Variants in TBC1D16 observed in about 807,000 individuals in gnomAD.
The protein encoded by TBC1D16 is CTD-2529O21.1.
TBC1D16 carries 58 observed loss-of-function variants against 74.7 expected under a neutral mutation model. The observed-to-expected ratio is 0.78, with a 90% CI of 0.63 to 0.97. The LOEUF (loss-of-function observed/expected upper bound fraction) is 0.97. TBC1D16 is among the 50% of genes least tolerant of loss of function. TBC1D16 has a pLI of 0.00. For missense variants in TBC1D16, 1,014 were observed against 1,079.5 expected, an observed-to-expected ratio of 0.94 and a Z score of 0.85; for synonymous variants, 493 against 474.7, an observed-to-expected ratio of 1.04 and a Z score of -0.50.
rs1326328880 is a variant in TBC1D16 at position 79,994,234 on chromosome 17, C to T, written c.779+15926G>A. Among the ~76,000 whole-genome samples the T allele has an allele frequency of 1.3e-5, 2 of 151,668 alleles. No individual in the cohort carries two copies. The highest frequency in any genetic ancestry group is 2.4e-5 in the African/African-American group (1 of 41,202). ...GCCCCCATCTCTTTAGAATCCAGCT[C>T]CCTTGGGGGACATACCTGGCTGGTG... On this transcript the variant is annotated intron_variant, in intron 3 of 11. Coordinates refer to ENST00000310924, the MANE Select transcript of TBC1D16 (RefSeq NM_019020.4). This position sits in a 1 kb window ranked among gnomAD's most constrained non-coding sequence, Gnocchi z 4.6.
intron 3 of TBC1D16, among the ~76,000 whole-genome samples, chr17:79,960,802 A>AAAAAAAAAAAAAAAAAAAAAAAAAC (rs1568590810): frequency 6.7e-6 from 1 of 148,636 alleles, no homozygotes; most frequent in Non-Finnish European, 1.5e-5. Flanking sequence ...AAAAAAAAAA[A>AAAAAAAAAAAAAAAAAAAAAAAAAC]AAAAAAACGA....
At chr17:79,962,364 G>A (rs1004167322) in intron 3 of TBC1D16, among the ~76,000 whole-genome samples, 10 of 151,414 alleles carry the variant, frequency 6.6e-5, no homozygotes, top group East Asian at 3.9e-4. Flanking sequence ...ACAGGTACCC[G>A]CCACCACGCC....
chr17:79,937,942 A>G lies in TBC1D16; in HGVS notation c.*2917T>C, dbSNP rs1190431120. The G allele has an allele frequency of 6.6e-6, 1 of 152,178 alleles. No individual in the cohort carries two copies. Among genetic ancestry groups the G allele is most frequent in the Non-Finnish European group, 1.5e-5 (1 of 68,028 alleles). The allele number at this position is 152,178 out of a possible 1,614,324, so 9.4% of individuals were successfully genotyped here. ...CATCAACTTTTAAGTATGCGCACAC[A>G]CGTACGCCAGCCAATAACATTAAGT... On this transcript the variant is annotated 3_prime_UTR_variant, in exon 12 of 12. Transcript: ENST00000310924.
intron 3 of TBC1D16, among the ~76,000 whole-genome samples, chr17:79,953,771 C>CA (rs2033196561): frequency 6.7e-6 from 1 of 149,450 alleles, no homozygotes; most frequent in African/African-American, 2.5e-5. Context: ...TTTCTTTTTT[C>CA]TTTTTTTTTT....
intron 3 of TBC1D16, among the ~76,000 whole-genome samples, chr17:79,977,013 G>A (rs2034358354): frequency 6.6e-6 from 1 of 152,198 alleles, no homozygotes; most frequent in African/African-American, 2.4e-5. Context: ...AAACAAAAGT[G>A]TCAGGAGCCT....
chr17:79,997,871 T>C (rs747016320), intron 3 of TBC1D16, among the ~76,000 whole-genome samples: 4 of 152,118 alleles, frequency 2.6e-5, no homozygotes, highest in Non-Finnish European at 4.4e-5. Context: ...ACGCCTGTAA[T>C]CCCAGCACTG....
chr17:79,999,496 A>T (rs1241912418), intron 3 of TBC1D16, among the ~76,000 whole-genome samples: 1 of 148,722 alleles, frequency 6.7e-6, no homozygotes, highest in East Asian at 2.0e-4. Flanking sequence ...GGGATCAAAG[A>T]TCACAAATAT....
At position 79,944,867 on chromosome 17, in the gene TBC1D16, A is replaced by G. The variant is rs569108805; in HGVS notation, c.1908+41T>C. On this transcript the variant is annotated intron_variant, in intron 10 of 11. Coordinates refer to ENST00000310924, the MANE Select transcript of TBC1D16 (RefSeq NM_019020.4). This position sits in a 1 kb window ranked among gnomAD's most constrained non-coding sequence, Gnocchi z 7.7. ...GGGTGGCCACGGTGGTTCAGGGGCC[A>G]TGGTCCCAACCTCCCCAGCCCTGGC... 197 of 1,512,460 alleles carry G rather than the reference A, an allele frequency of 1.3e-4. 1 individual carries two copies. The South Asian group carries it at 2.2e-3, about 17-fold the overall frequency. The allele number at this position is 1,512,460 out of a possible 1,614,324, so 93.7% of individuals were successfully genotyped here.
rs1598304920 is a variant in TBC1D16 at position 79,940,474 on chromosome 17, T to C, written c.*385A>G. On this transcript the variant is annotated 3_prime_UTR_variant, in exon 12 of 12. Transcript: ENST00000310924. This position sits in a 1 kb window ranked among gnomAD's most constrained non-coding sequence, Gnocchi z 5.4. Reference sequence around the variant, plus strand: ...CTCGACGCAGTGGGTGAGTGAGGCCTTCCTCTCCTGTCTCTGCTTTCCTCA... The same window carrying C: ...CTCGACGCAGTGGGTGAGTGAGGCCCTCCTCTCCTGTCTCTGCTTTCCTCA... The C allele has an allele frequency of 1.2e-5, 2 of 171,800 alleles. No homozygotes were observed. The highest frequency in any genetic ancestry group is 3.2e-4 in the East Asian group (2 of 6,190). 10.6% of individuals were successfully genotyped at this position (171,800 alleles called of 1,614,324 possible).
intron 3 of TBC1D16, among the ~76,000 whole-genome samples, chr17:79,953,265 A>G (rs538545955): frequency 1.3e-5 from 2 of 152,318 alleles, no homozygotes; most frequent in Middle Eastern, 6.8e-3. Context: ...TTTAGATAGC[A>G]TGGGGCTTCC....
At position 79,988,892 on chromosome 17, in the gene TBC1D16, C is replaced by T. The variant is rs918893340; in HGVS notation, c.779+21268G>A. ...GCTCTGCTGGGCTGGACGGTGCCAC[C>T]CTCCCCAACCCGCACCTGCCCGCCG... On this transcript the variant is annotated intron_variant, in intron 3 of 11. Transcript: ENST00000310924. The surrounding 1 kb of genome is among the most constrained non-coding windows in gnomAD (Gnocchi z 5.7). 4.6e-5 allele frequency among the ~76,000 whole-genome samples: 7 copies of T among 152,322 alleles called. No individual in the cohort carries two copies. The highest frequency in any genetic ancestry group is 3.4e-3 in the Middle Eastern group (1 of 294).
In TBC1D16 at chr17:79,941,063, G is replaced by A; in HGVS notation, c.2100C>T (p.Pro700=). ...LYQFRLLPRI[P]CSLHDLCKLC... Reference sequence around the variant, plus strand: ...GCTTACACAGATCGTGCAGGCTGCAGGGGATCCGGGGCAGGAGGCGGAACT... The same window carrying A: ...GCTTACACAGATCGTGCAGGCTGCAAGGGATCCGGGGCAGGAGGCGGAACT... The change falls in exon 12 of 12, where the codon CCC becomes CCT. Residue 700 remains proline (P), a synonymous_variant. Coordinates refer to ENST00000310924, the MANE Select transcript of TBC1D16 (RefSeq NM_019020.4). This position sits in a 1 kb window ranked among gnomAD's most constrained non-coding sequence, Gnocchi z 4.3. 2.5e-6 allele frequency: 4 copies of A among 1,595,714 alleles called. No homozygotes were observed. The highest frequency in any genetic ancestry group is 3.4e-6 in the Non-Finnish European group (4 of 1,171,108).
Position 79,957,960 on chromosome 17 carries a change from A to AC in TBC1D16, c.780-5143_780-5142insG, listed in dbSNP as rs765892909. Among the ~76,000 whole-genome samples the AC allele has an allele frequency of 3.9e-3, 587 of 152,276 alleles. 3 individuals are homozygous for AC. Among genetic ancestry groups the AC allele is most frequent in the Non-Finnish European group, 6.9e-3 (466 of 68,020 alleles). On this transcript the variant is annotated intron_variant, in intron 3 of 11. Coordinates refer to ENST00000310924, the MANE Select transcript of TBC1D16 (RefSeq NM_019020.4). ...ATGTAAAAAAGTATGTAAATTAAAA[A>AC]GAAAAATATAAATGCCCAACAGAAA...
intron 3 of TBC1D16, among the ~76,000 whole-genome samples, chr17:80,002,844 C>T (rs1048673376): frequency 1.3e-5 from 2 of 152,268 alleles, no homozygotes; most frequent in Non-Finnish European, 2.9e-5. Flanking sequence ...GCAGGACGCT[C>T]TGCTGACGGC....
At position 80,016,804 on chromosome 17, in the gene TBC1D16, A is replaced by C. The variant is rs901682346; in HGVS notation, c.-62-3195T>G. ...CCCCAGCCCTGTTTGTGTATTTCCA[A>C]TTGTCTCCATGGCTGCTGACTTCCC... is the stretch of plus-strand genomic sequence containing the variant. On this transcript the variant is annotated intron_variant, in intron 1 of 11. Transcript: ENST00000310924. 2.6e-5 allele frequency among the ~76,000 whole-genome samples: 4 copies of C among 151,978 alleles called. No individual in the cohort carries two copies. In the East Asian group the frequency reaches 7.7e-4, roughly 29 times the overall value.
In TBC1D16 at chr17:80,000,723, G is replaced by A. The variant is rs542711935; in HGVS notation, c.779+9437C>T. Among the ~76,000 whole-genome samples, 25 of 152,240 alleles carry A rather than the reference G, an allele frequency of 1.6e-4. No homozygotes were observed. Among genetic ancestry groups the A allele is most frequent in the Non-Finnish European group, 2.8e-4 (19 of 68,028 alleles). ...GAGCCCTCTGTGCAGAGCTTTACAC[G>A]CACGGCCTTCCTGAACCCCCACAAT... On this transcript the variant is annotated intron_variant, in intron 3 of 11. Coordinates refer to ENST00000310924, the MANE Select transcript of TBC1D16 (RefSeq NM_019020.4). This position sits in a 1 kb window ranked among gnomAD's most constrained non-coding sequence, Gnocchi z 4.1.
At chr17:79,978,485 A>T (rs2034437350) in intron 3 of TBC1D16, among the ~76,000 whole-genome samples, 1 of 152,186 alleles carries the variant, frequency 6.6e-6, no homozygotes, top group Non-Finnish European at 1.5e-5. Flanking sequence ...GGCGGGCAAC[A>T]ATCCGCGGCA....
chr17:79,950,843 A>AAAAACGGAATGGGACCGCG lies in TBC1D16; in HGVS notation c.1090-266_1090-265insCGCGGTCCCATTCCGTTTT. ...CCCCACTCTCTCCAACCCCAGCCGC[A>AAAAACGGAATGGGACCGCG]AAAACGGAATGAATGCCTCGTTCGG... On this transcript the variant is annotated intron_variant, in intron 5 of 11. Coordinates refer to ENST00000310924, the MANE Select transcript of TBC1D16 (RefSeq NM_019020.4). This position sits in a 1 kb window ranked among gnomAD's most constrained non-coding sequence, Gnocchi z 4.6. 1 of 1,526,498 alleles carries AAAAACGGAATGGGACCGCG rather than the reference A, an allele frequency of 6.6e-7. No homozygotes were observed. Among genetic ancestry groups the AAAAACGGAATGGGACCGCG allele is most frequent in the Non-Finnish European group, 8.8e-7 (1 of 1,140,950 alleles). The allele number at this position is 1,526,498 out of a possible 1,614,324, so 94.6% of individuals were successfully genotyped here.
intron 1 of TBC1D16, among the ~76,000 whole-genome samples, chr17:80,015,164 T>G (rs1350316377): frequency 6.6e-6 from 1 of 152,062 alleles, no homozygotes; most frequent in Non-Finnish European, 1.5e-5. Context: ...GCACAATGAC[T>G]CATGCCTGTA....
Sources: gnomAD v4.1 joint callset for allele counts (sites outside exome capture counted in the v4.1 genomes callset) on GRCh38, gnomAD v4.1.1 for gene constraint, Gnocchi (gnomAD v3.1) non-coding constraint, MANE v1.5 for transcripts, NCBI Gene and HGNC (gene_info 2026-07-23, HGNC 2026-07-21) for gene names.